CNNM1: variants seen among roughly 807,000 people sequenced by gnomAD.
CNNM1 encodes metal transporter CNNM1.
A neutral mutation model predicts 78.8 loss-of-function variants in CNNM1; 44 were observed. That is an observed-to-expected ratio of 0.56 (90% confidence interval 0.44 to 0.72). CNNM1 has a LOEUF of 0.72. Ranked by LOEUF, CNNM1 falls within the 30% of genes least tolerant of loss-of-function variation. The probability of loss-of-function intolerance (pLI) is 0.00; values close to 1 mark genes in which losing one functional copy is unlikely to be tolerated. For missense variants in CNNM1, 1,101 were observed against 1,292.2 expected (o/e 0.85, Z 2.27); for synonymous variants, 584 against 581.5 (o/e 1.00, Z -0.06).
chr10:99,329,810 G>A lies in CNNM1; in HGVS notation c.423G>A (p.Ser141=), dbSNP rs780442130. ...QRCREQSDWA[S]DVEVLGPLRP... The stretch of plus-strand genomic sequence containing the variant: ...GCAGGGAGCAGAGCGACTGGGCATC[G>A]GACGTGGAAGTCCTGGGGCCCTTGC... Residue 141 remains serine (S), a synonymous_variant, in exon 1 of 11, where the codon TCG becomes TCA. Transcript: ENST00000356713. The A allele has an allele frequency of 2.1e-6, 3 of 1,461,936 alleles. No homozygotes were observed. Among genetic ancestry groups the A allele is most frequent in the Non-Finnish European group, 2.7e-6 (3 of 1,112,606 alleles). 90.6% of individuals were successfully genotyped at this position (1,461,936 alleles called of 1,614,324 possible).
At chr10:99,343,483 T>C (rs2030545401) in intron 1 of CNNM1, among the ~76,000 whole-genome samples, 1 of 152,190 alleles carries the variant, frequency 6.6e-6, no homozygotes, top group South Asian at 2.1e-4. Context: ...TTTATCCTCA[T>C]TTTGTATATG....
chr10:99,350,127 G>A (rs984568732), intron 1 of CNNM1, among the ~76,000 whole-genome samples: 2 of 152,208 alleles, frequency 1.3e-5, no homozygotes, highest in East Asian at 3.8e-4. Flanking sequence ...TAGTGTTCAT[G>A]CTGCTACTCC....
chr10:99,387,949 A>G lies in CNNM1; in HGVS notation c.2470A>G (p.Thr824Ala), dbSNP rs765538920. The change falls in exon 8 of 11, where the codon ACC (threonine) becomes GCC (alanine). Residue 824 changes from threonine to alanine, a missense_variant. Transcript: ENST00000356713. ...KAPTTRGTPQ[T>A]PKDDPAITLL... ...CCCCACAACCCGGGGCACACCCCAG[A>G]CCCCTAAGGATGACCCCGCCATCAC... 1 of 1,608,060 alleles carries G rather than the reference A, an allele frequency of 6.2e-7. No individual in the cohort carries two copies. Among genetic ancestry groups the G allele is most frequent in the East Asian group, 2.2e-5 (1 of 44,848 alleles).
intron 6 of CNNM1, among the ~76,000 whole-genome samples, chr10:99,373,404 A>G (rs1327739112): frequency 2.0e-5 from 3 of 152,208 alleles, no homozygotes; most frequent in African/African-American, 7.2e-5. Context: ...GGTTTTCCAG[A>G]TGCTGCACTG....
In CNNM1 at chr10:99,371,476, C is replaced by T. The variant is rs539714290; in HGVS notation, c.2177-5579C>T. ...AACAGTCCTTTCAAATCCACAAAAG[C>T]ACAGAGACAGAGACTTTGGAACCAA... On this transcript the variant is annotated intron_variant, in intron 6 of 10. Coordinates refer to ENST00000356713, the MANE Select transcript of CNNM1 (RefSeq NM_020348.3). Among the ~76,000 whole-genome samples, 3 of 152,272 alleles carry T rather than the reference C, an allele frequency of 2.0e-5. No individual in the cohort carries two copies. In the South Asian group the frequency reaches 6.2e-4, roughly 32 times the overall value.
At chr10:99,333,602 C>T (rs1261236874) in intron 1 of CNNM1, among the ~76,000 whole-genome samples, 3 of 152,290 alleles carry the variant, frequency 2.0e-5, no homozygotes, top group East Asian at 3.9e-4. Context: ...GCCTTGGCCT[C>T]CCAAAGTGCT....
At chr10:99,348,120 G>A (rs573644263) in intron 1 of CNNM1, among the ~76,000 whole-genome samples, 1 of 150,862 alleles carries the variant, frequency 6.6e-6, no homozygotes, top group South Asian at 2.1e-4. Context: ...ATTGCTAGCT[G>A]CAGACTCAAA....
Position 99,330,690 on chromosome 10 carries a change from C to G in CNNM1, c.1303C>G (p.Pro435Ala). The change falls in exon 1 of 11, where the codon CCC (proline) becomes GCC (alanine). Residue 435 changes from proline to alanine, a missense_variant. Pro to Ala is a conservative substitution (Grantham distance 27). This residue lies in a region of CNNM1 where 277 missense variants were observed against 423.2 expected (regional missense o/e 0.65). Transcript: ENST00000356713. ...CAAAGTTGTGGAGGAGGTGCTGACC[C>G]CCCTGGGAGACTGCTTCATGCTGCG... ...RTKVVEEVLT[P>A]LGDCFMLRSD... 2 of 1,613,984 alleles carry G rather than the reference C, an allele frequency of 1.2e-6. No individual in the cohort carries two copies. The highest frequency in any genetic ancestry group is 1.7e-6 in the Non-Finnish European group (2 of 1,179,882).
intron 1 of CNNM1, among the ~76,000 whole-genome samples, chr10:99,334,418 C>T (rs570038805): frequency 2.0e-5 from 3 of 152,162 alleles, no homozygotes; most frequent in South Asian, 2.1e-4. Flanking sequence ...TTTGGGAGGG[C>T]GAGGTGGGTG....
intron 1 of CNNM1, among the ~76,000 whole-genome samples, chr10:99,334,597 G>A (rs1038427866): frequency 2.0e-5 from 3 of 152,146 alleles, no homozygotes; most frequent in African/African-American, 7.2e-5. Context: ...GTTGCAGTGA[G>A]CTGAGATCGC....
chr10:99,375,615 G>A (rs533973570), intron 6 of CNNM1, among the ~76,000 whole-genome samples: 1 of 152,326 alleles, frequency 6.6e-6, no homozygotes, highest in South Asian at 2.1e-4. Flanking sequence ...TGGTTTGCCA[G>A]ACAACAGCTT....
chr10:99,338,975 A>G (rs1439330699), intron 1 of CNNM1, among the ~76,000 whole-genome samples: 1 of 152,226 alleles, frequency 6.6e-6, no homozygotes, highest in Non-Finnish European at 1.5e-5. Context: ...TTACTACTCT[A>G]TTATTGGATT....
intron 2 of CNNM1, 132 bp downstream of exon 2, chr10:99,357,787 G>T: frequency 1.3e-6 from 1 of 760,742 alleles, no homozygotes; most frequent in Non-Finnish European, 1.9e-6. Flanking sequence ...AGCCACCTAT[G>T]CCAGGTGCTG....
Position 99,330,886 on chromosome 10 carries a change from G to A in CNNM1, c.1499G>A (p.Arg500His), listed in dbSNP as rs756875619. ...DDCTPLLTVT[R>H]FYNRPLHCVF... is the part of the protein sequence containing the mutation. Reference sequence around the variant, plus strand: ...TGCACCCCGCTCCTCACTGTCACCCGCTTCTACAACCGGCCCCTGCATTGT... The same window carrying A: ...TGCACCCCGCTCCTCACTGTCACCCACTTCTACAACCGGCCCCTGCATTGT... The change falls in exon 1 of 11, where the codon CGC becomes CAC. Residue 500 changes from arginine (R) to histidine (H), a missense_variant. This residue lies in a region of CNNM1 where 277 missense variants were observed against 423.2 expected (regional missense o/e 0.65). Coordinates refer to ENST00000356713, the MANE Select transcript of CNNM1 (RefSeq NM_020348.3). 6.2e-7 allele frequency: 1 copy of A among 1,614,092 alleles called. No homozygotes were observed. The highest frequency in any genetic ancestry group is 8.5e-7 in the Non-Finnish European group (1 of 1,180,024).
At chr10:99,343,233 G>A (rs2030534150) in intron 1 of CNNM1, among the ~76,000 whole-genome samples, 1 of 152,084 alleles carries the variant, frequency 6.6e-6, no homozygotes, top group African/African-American at 2.4e-5. Flanking sequence ...AAAGTGCTGG[G>A]ATTACAGGCA....
chr10:99,387,752 G>A lies in CNNM1; in HGVS notation c.2341-68G>A. 7.5e-6 allele frequency: 11 copies of A among 1,461,554 alleles called. No homozygotes were observed. In the South Asian group the frequency reaches 1.4e-4, roughly 19 times the overall value. The allele number at this position is 1,461,554 out of a possible 1,614,324, so 90.5% of individuals were successfully genotyped here. On this transcript the variant is annotated intron_variant, in intron 7 of 10. Coordinates refer to ENST00000356713, the MANE Select transcript of CNNM1 (RefSeq NM_020348.3). ...CCCCAGCGAGGCTGCCCCCGAGCCT[G>A]GGAAGGCTGGCTGCATCCGGGTGGT...
intron 7 of CNNM1, among the ~76,000 whole-genome samples, chr10:99,380,844 A>T (rs936936068): frequency 2.6e-5 from 4 of 152,006 alleles, no homozygotes; most frequent in African/African-American, 9.7e-5. Context: ...TCATATCTCC[A>T]ACCCTAGAAC....
intron 9 of CNNM1, among the ~76,000 whole-genome samples, chr10:99,389,870 C>T (rs914383567): frequency 2.4e-4 from 36 of 152,140 alleles, no homozygotes; most frequent in African/African-American, 7.5e-4. Context: ...TTGAGTCCTG[C>T]GGGAGAAGAC....
rs2032507894 is a variant in CNNM1 at position 99,392,717 on chromosome 10, G to C, written c.*1201G>C. ...CTGAAAAGCAACCGCAAAGCCGGGCGCGGTGGCTCACACCTGTAATCCCAA... is the reference window on the plus strand; with the variant it reads ...CTGAAAAGCAACCGCAAAGCCGGGCCCGGTGGCTCACACCTGTAATCCCAA... On this transcript the variant is annotated 3_prime_UTR_variant, in exon 11 of 11. Transcript: ENST00000356713. 1 of 152,190 alleles carries C rather than the reference G, an allele frequency of 6.6e-6. No homozygotes were observed. The highest frequency in any genetic ancestry group is 6.5e-5 in the Admixed American group (1 of 15,280). 9.4% of individuals were successfully genotyped at this position (152,190 alleles called of 1,614,324 possible).
Sources: allele counts gnomAD v4.1 joint callset (sites outside exome capture counted in the v4.1 genomes callset), GRCh38; gene constraint gnomAD v4.1.1; regional missense constraint gnomAD v4.1.1; transcripts MANE v1.5; gene names NCBI Gene and HGNC (gene_info 2026-07-23, HGNC 2026-07-21).